BLTP3B: variants seen among roughly 807,000 people sequenced by gnomAD.
The protein encoded by BLTP3B is bridge-like lipid transfer protein family member 3B.
At chr12:100,102,685 C>T in the BLTP3B span, 1 of 945,814 alleles carries the variant, frequency 1.1e-6, no homozygotes, top group Non-Finnish European at 1.6e-6. Context: ...AAATAGAGGC[C>T]ATTTGAGGTT....
the BLTP3B span, among the ~76,000 whole-genome samples, chr12:100,087,158 C>CAAAAAAAAAAAAAAAAAAAA: frequency 1.7e-5 from 1 of 59,892 alleles, no homozygotes; most frequent in African/African-American, 6.3e-5. Flanking sequence ...GACTCCATCT[C>CAAAAAAAAAAAAAAAAAAAA]AAAAAAAAAA....
At chr12:100,070,243 T>C in the BLTP3B span, 129 of 1,495,892 alleles carry the variant, frequency 8.6e-5, 1 homozygote, top group South Asian at 1.5e-3. Flanking sequence ...TGTTGAAACA[T>C]GAAGATAGGA....
the BLTP3B span, among the ~76,000 whole-genome samples, chr12:100,068,759 C>T: frequency 1.3e-5 from 2 of 152,178 alleles, no homozygotes; most frequent in African/African-American, 4.8e-5. Context: ...CTCAACATCA[C>T]TAATGATCAG....
chr12:100,124,398 G>A, the BLTP3B span, among the ~76,000 whole-genome samples: 2 of 151,754 alleles, frequency 1.3e-5, no homozygotes, highest in South Asian at 2.1e-4. Context: ...GACACCAGGA[G>A]TTTGAGACCA....
chr12:100,066,820 T>C, the BLTP3B span, among the ~76,000 whole-genome samples: 1 of 150,496 alleles, frequency 6.6e-6, no homozygotes, highest in Non-Finnish European at 1.5e-5. Flanking sequence ...AAAAAAACTA[T>C]ACTCTGGAAC....
At chr12:100,062,344 T>C in the BLTP3B span, among the ~76,000 whole-genome samples, 4 of 152,222 alleles carry the variant, frequency 2.6e-5, no homozygotes, top group African/African-American at 4.8e-5. Flanking sequence ...ACTTTCACAA[T>C]GGTAAAACGA....
At chr12:100,111,808 G>A in the BLTP3B span, among the ~76,000 whole-genome samples, 3 of 152,064 alleles carry the variant, frequency 2.0e-5, no homozygotes, top group Admixed American at 6.6e-5. Flanking sequence ...GTTTCACCAT[G>A]TTGGTCAGGC....
chr12:100,098,692 A>G, the BLTP3B span: 1 of 704,010 alleles, frequency 1.4e-6, no homozygotes, highest in Non-Finnish European at 2.2e-6. Context: ...ACTTGAGGCC[A>G]GGAGTTCAAG....
At chr12:100,124,936 T>TCATATATATA in the BLTP3B span, among the ~76,000 whole-genome samples, 2 of 56,544 alleles carry the variant, frequency 3.5e-5, no homozygotes, top group African/African-American at 1.2e-4. Flanking sequence ...AAAAAAAATT[T>TCATATATATA]TATATATATA....
At chr12:100,065,974 TCA>T in the BLTP3B span, among the ~76,000 whole-genome samples, 1 of 152,184 alleles carries the variant, frequency 6.6e-6, no homozygotes, top group South Asian at 2.1e-4. Context: ...CCATGTGATG[TCA>T]CCCCCTGGCG....
chr12:100,060,866 A>G, the BLTP3B span, among the ~76,000 whole-genome samples: 1 of 152,252 alleles, frequency 6.6e-6, no homozygotes, highest in Non-Finnish European at 1.5e-5. Context: ...ACTAAATTTA[A>G]GAAAAATAAA....
At chr12:100,109,264 T>C in the BLTP3B span, among the ~76,000 whole-genome samples, 2 of 147,902 alleles carry the variant, frequency 1.4e-5, no homozygotes, top group Non-Finnish European at 1.5e-5. Context: ...TCCACCATGA[T>C]TGTGAGTTTC....
the BLTP3B span, chr12:100,057,919 A>G: frequency 1.5e-6 from 2 of 1,346,844 alleles, no homozygotes; most frequent in Non-Finnish European, 2.0e-6. Context: ...ACATGTTAAC[A>G]ATGCCATATT....
the BLTP3B span, among the ~76,000 whole-genome samples, chr12:100,112,699 T>C: frequency 1.3e-5 from 2 of 151,702 alleles, no homozygotes; most frequent in African/African-American, 4.8e-5. Flanking sequence ...TAATCAAAGA[T>C]TTATAATTTG....
At chr12:100,102,242 T>G in the BLTP3B span, among the ~76,000 whole-genome samples, 1 of 151,480 alleles carries the variant, frequency 6.6e-6, no homozygotes, top group African/African-American at 2.4e-5. Flanking sequence ...CCCAAGTAAC[T>G]GGGATTAAAG....
chr12:100,059,305 G>A, the BLTP3B span: 1 of 1,614,010 alleles, frequency 6.2e-7, no homozygotes, highest in Non-Finnish European at 8.5e-7. Context: ...GCATGTCTCT[G>A]GAAAATTGGA....
chr12:100,048,104 G>C, the BLTP3B span: 1 of 1,613,152 alleles, frequency 6.2e-7, no homozygotes, highest in Non-Finnish European at 8.5e-7. Flanking sequence ...TTTTCTGCAA[G>C]TAAAGAGTGT....
the BLTP3B span, among the ~76,000 whole-genome samples, chr12:100,116,749 T>C: frequency 6.6e-6 from 1 of 152,106 alleles, no homozygotes; most frequent in Non-Finnish European, 1.5e-5. Flanking sequence ...GCCAACACAA[T>C]AAGGTAAGAA....
At chr12:100,059,404 C>T in the BLTP3B span, 2 of 1,613,994 alleles carry the variant, frequency 1.2e-6, no homozygotes, top group East Asian at 2.2e-5. Context: ...TGAAACAAAG[C>T]TTCTAGGTCA....
Sources: allele counts gnomAD v4.1 joint callset (sites outside exome capture counted in the v4.1 genomes callset), GRCh38; gene constraint gnomAD v4.1.1; transcripts MANE v1.5; gene names NCBI Gene and HGNC (gene_info 2026-07-23, HGNC 2026-07-21).